Variants in ANO1 observed in about 807,000 individuals in gnomAD.
ANO1 encodes the protein anoctamin-1.
Under a neutral mutation model 124.0 loss-of-function variants are expected in ANO1, and 59 were observed. That is an observed-to-expected ratio of 0.48 (90% CI 0.39 to 0.59). ANO1 has a LOEUF of 0.59. Among genes scored for constraint, ANO1 ranks in the 20% least tolerant of loss-of-function variants. The pLI is 0.00. For synonymous variants in ANO1, 529 were observed against 532.0 expected (o/e 0.99, Z 0.08); for missense variants, 1,059 against 1,328.0 (o/e 0.80, Z 3.15).
At chr11:70,113,412 C>G (rs1280948621) in intron 7 of ANO1, among the ~76,000 whole-genome samples, 1 of 152,158 alleles carries the variant, frequency 6.6e-6, no homozygotes, top group African/African-American at 2.4e-5. Context: ...AGTTCAGGCC[C>G]CTAGACCAGG....
Position 70,156,834 on chromosome 11 carries a change from T to C in ANO1, c.1504-113T>C, listed in dbSNP as rs1565258958. 3.4e-6 allele frequency: 3 copies of C among 870,214 alleles called. No individual in the cohort carries two copies. The East Asian group carries it at 8.1e-5, about 24-fold the overall frequency. The allele number at this position is 870,214 out of a possible 1,614,324, so 53.9% of individuals were successfully genotyped here. A position where few individuals can be genotyped will look rare whatever the true frequency, so the allele number is the denominator to read the frequency against. ...TTTGAGGTTTTTCTGAGTATTTCTG[T>C]TGTTCAAGTTGTCCCTGGGCCCATG... On this transcript the variant is annotated intron_variant, in intron 15 of 25. Transcript: ENST00000355303.
At chr11:70,046,225 T>C (rs782701796) in intron 1 of ANO1, among the ~76,000 whole-genome samples, 1 of 152,214 alleles carries the variant, frequency 6.6e-6, no homozygotes, top group African/African-American at 2.4e-5. Flanking sequence ...GCTTGTATGG[T>C]TCCCTGTAAA....
intron 11 of ANO1, among the ~76,000 whole-genome samples, chr11:70,149,121 G>C (rs2047490981): frequency 6.6e-6 from 1 of 152,200 alleles, no homozygotes; most frequent in African/African-American, 2.4e-5. Context: ...GGGCCCCCGA[G>C]AGCAATGGGG....
intron 1 of ANO1, among the ~76,000 whole-genome samples, chr11:70,059,047 C>G (rs1366197488): frequency 2.0e-5 from 3 of 151,588 alleles, no homozygotes; most frequent in African/African-American, 7.3e-5. Context: ...AAAAAATTAG[C>G]TGGGCGTGGT....
intron 1 of ANO1, among the ~76,000 whole-genome samples, chr11:70,052,842 C>T (rs556930183): frequency 1.2e-4 from 19 of 152,106 alleles, no homozygotes; most frequent in East Asian, 3.9e-4. Context: ...CCACTGCGCC[C>T]GGCCCCAGTT....
At chr11:70,002,566 C>T (rs1044999557) in intron 1 of ANO1, among the ~76,000 whole-genome samples, 1 of 151,982 alleles carries the variant, frequency 6.6e-6, no homozygotes, top group African/African-American at 2.4e-5. Flanking sequence ...CAATGGGCCA[C>T]GCCATACAGC....
In ANO1 at chr11:70,026,230, AATG is replaced by A. The variant is rs782471850; in HGVS notation, c.58+40068_58+40070del. Among the ~76,000 whole-genome samples the A allele has an allele frequency of 1.3e-4, 16 of 122,060 alleles. No homozygotes were observed. In the East Asian group the frequency reaches 1.6e-3, roughly 12 times the overall value. The allele number at this position is 122,060 out of a possible 152,430, so 80.1% of individuals were successfully genotyped here. A position where few individuals can be genotyped will look rare whatever the true frequency, so the allele number is the denominator to read the frequency against. Reference sequence around the variant, plus strand: ...TGGTGCTGATGGTGATGATGACAGTAATGATGGTGGTGGTGATGACAATGATGA... The same window carrying A: ...TGGTGCTGATGGTGATGATGACAGTAATGGTGGTGGTGATGACAATGATGA... On this transcript the variant is annotated intron_variant, in intron 1 of 27. Transcript: ENST00000531349.
intron 1 of ANO1, chr11:70,085,552 G>T: frequency 6.5e-7 from 1 of 1,536,092 alleles, no homozygotes. Context: ...GGTGAGCAAT[G>T]CTGTTTCCAG....
chr11:69,992,851 CT>C (rs139305995), intron 1 of ANO1, among the ~76,000 whole-genome samples: 2,113 of 152,314 alleles, frequency 0.014, 26 homozygotes, highest in Non-Finnish European at 0.018. Flanking sequence ...GGTTTTCATG[CT>C]GTGTAATGAA....
intron 14 of ANO1, among the ~76,000 whole-genome samples, chr11:70,155,466 A>G (rs2047771937): frequency 6.6e-6 from 1 of 151,978 alleles, no homozygotes; most frequent in African/African-American, 2.4e-5. Flanking sequence ...TGCGGTTTTG[A>G]TTTCCCTCCA....
At chr11:70,130,856 C>T (rs894862562) in intron 10 of ANO1, among the ~76,000 whole-genome samples, 3 of 152,204 alleles carry the variant, frequency 2.0e-5, no homozygotes, top group East Asian at 1.9e-4. Flanking sequence ...GCCCAGCCCC[C>T]GTTCTCCCAG....
At chr11:70,130,724 C>T (rs894978822) in intron 10 of ANO1, among the ~76,000 whole-genome samples, 4 of 152,246 alleles carry the variant, frequency 2.6e-5, no homozygotes, top group Non-Finnish European at 4.4e-5. Flanking sequence ...CACCTGTGCT[C>T]AGCAAAGCAG....
chr11:70,160,711 T>G (rs112684260), intron 16 of ANO1, among the ~76,000 whole-genome samples: 2,686 of 152,252 alleles, frequency 0.018, 34 homozygotes, highest in Non-Finnish European at 0.026. Flanking sequence ...GAGCTCACCA[T>G]GGGTTGGGGG....
the ANO1 span, among the ~76,000 whole-genome samples, chr11:69,979,085 G>C: frequency 1.8e-4 from 28 of 152,202 alleles, no homozygotes; most frequent in African/African-American, 6.8e-4. Context: ...AGTCATACCT[G>C]CAAGATTCCA....
At chr11:70,177,734 G>T (rs2048777622) in intron 22 of ANO1, among the ~76,000 whole-genome samples, 1 of 151,584 alleles carries the variant, frequency 6.6e-6, no homozygotes, top group African/African-American at 2.4e-5. Flanking sequence ...TGAGTAGCTG[G>T]GATTACAGGC....
At chr11:70,010,600 A>T (rs143090368) in intron 1 of ANO1, among the ~76,000 whole-genome samples, 1,847 of 152,212 alleles carry the variant, frequency 0.012, 24 homozygotes, top group South Asian at 0.038. Context: ...GTATACAGGA[A>T]GCTGCACAAA....
In ANO1 at chr11:70,188,159, T is replaced by C; in HGVS notation, c.*155T>C. 1.1e-6 allele frequency: 1 copy of C among 890,346 alleles called. No homozygotes were observed. Among genetic ancestry groups the C allele is most frequent in the Non-Finnish European group, 1.7e-6 (1 of 603,534 alleles). 55.2% of individuals were successfully genotyped at this position (890,346 alleles called of 1,614,324 possible). ...TTTCTGATAGGACATTTTCCTTTCT[T>C]CTTTCTGTTTTCTTTCCCTTGTTTT... On this transcript the variant is annotated 3_prime_UTR_variant, in exon 26 of 26. Transcript: ENST00000355303.
chr11:70,119,351 T>G (rs1188572111), intron 8 of ANO1, among the ~76,000 whole-genome samples: 5 of 128,886 alleles, frequency 3.9e-5, no homozygotes, highest in African/African-American at 9.1e-5. Context: ...TGATGGATGA[T>G]GGGTGGGTGG....
Position 70,123,324 on chromosome 11 carries a change from C to T in ANO1, c.898-1026C>T, listed in dbSNP as rs191498859. On this transcript the variant is annotated intron_variant, in intron 8 of 25. Coordinates refer to ENST00000355303, the MANE Select transcript of ANO1 (RefSeq NM_018043.7). ...ACCTGTGAGTTTGGGTGGGGGCAGC[C>T]GTGGGTACACCTGCACTGTTTCCCC... Among the ~76,000 whole-genome samples the T allele has an allele frequency of 7.9e-5, 12 of 152,322 alleles. No individual in the cohort carries two copies. In the East Asian group the frequency reaches 2.3e-3, roughly 29 times the overall value.
Sources: allele counts gnomAD v4.1 joint callset (sites outside exome capture counted in the v4.1 genomes callset), GRCh38; gene constraint gnomAD v4.1.1; transcripts MANE v1.5; gene names NCBI Gene and HGNC (gene_info 2026-07-23, HGNC 2026-07-21).